CLSTN2: variants seen among roughly 807,000 people sequenced by gnomAD.
CLSTN2 encodes calsyntenin-2.
Under a neutral mutation model 101.2 loss-of-function variants are expected in CLSTN2, and 48 were observed. The ratio of observed to expected loss-of-function variants is 0.47; its 90% CI spans 0.38 to 0.60. The LOEUF (loss-of-function observed/expected upper bound fraction) is 0.60. CLSTN2 is among the 20% of genes least tolerant of loss of function. The pLI is 0.00. For missense variants in CLSTN2, 1,160 were observed against 1,238.2 expected (o/e 0.94, Z 0.95); for synonymous variants, 481 against 463.6 (o/e 1.04, Z -0.48).
chr3:140,013,560 CA>C lies in CLSTN2; in HGVS notation c.109+78079del, dbSNP rs201813577. ...AAATATCTCTTTTCTGAGGCTTTTT[CA>C]ATCCAAATATATAAACTGCATATAT... On this transcript the variant is annotated intron_variant, in intron 1 of 16. Coordinates refer to ENST00000458420, the MANE Select transcript of CLSTN2 (RefSeq NM_022131.3). Among the ~76,000 whole-genome samples the C allele has an allele frequency of 6.1e-3, 934 of 152,248 alleles. 6 individuals are homozygous for C. The highest frequency in any genetic ancestry group is 8.6e-3 in the Non-Finnish European group (586 of 68,018).
rs1422280349 is a variant in CLSTN2, at chr3:140,576,679, C to T, written c.*10426C>T. Reference sequence around the variant, plus strand: ...GAGCAGCCTCGTCTTGCAGAATCACCTTCAATCACTGCTACTGTCTGGGCC... The same window carrying T: ...GAGCAGCCTCGTCTTGCAGAATCACTTTCAATCACTGCTACTGTCTGGGCC... On this transcript the variant is annotated 3_prime_UTR_variant, in exon 17 of 17. Coordinates refer to ENST00000458420, the MANE Select transcript of CLSTN2 (RefSeq NM_022131.3). 1 of 152,226 alleles carries T rather than the reference C, an allele frequency of 6.6e-6. No individual in the cohort carries two copies. The allele number at this position is 152,226 out of a possible 1,614,324, so 9.4% of individuals were successfully genotyped here. A position where few individuals can be genotyped will look rare whatever the true frequency, so the allele number is the denominator to read the frequency against.
chr3:140,151,194 T>A (rs1471094772), intron 1 of CLSTN2, among the ~76,000 whole-genome samples: 1 of 152,078 alleles, frequency 6.6e-6, no homozygotes. Flanking sequence ...ATAAACAGCT[T>A]CAGGAAGGTT....
At chr3:140,109,161 G>T (rs987536652) in intron 1 of CLSTN2, among the ~76,000 whole-genome samples, 1 of 152,138 alleles carries the variant, frequency 6.6e-6, no homozygotes, top group Admixed American at 6.5e-5. Context: ...ACATGGAAAC[G>T]TCTTATTTTT....
chr3:140,299,427 T>G (rs957270989), intron 2 of CLSTN2, among the ~76,000 whole-genome samples: 2 of 152,234 alleles, frequency 1.3e-5, no homozygotes. Context: ...AATCATAACA[T>G]GCATATACTG....
chr3:140,456,608 G>T (rs1576577881), intron 6 of CLSTN2, among the ~76,000 whole-genome samples: 1 of 152,028 alleles, frequency 6.6e-6, no homozygotes, highest in Admixed American at 6.5e-5. Flanking sequence ...CCAACATGGT[G>T]AAACCCCATC....
intron 4 of CLSTN2, among the ~76,000 whole-genome samples, chr3:140,413,979 T>A (rs566323414): frequency 2.0e-5 from 3 of 152,090 alleles, no homozygotes; most frequent in Non-Finnish European, 4.4e-5. Context: ...TTTTCTCTAA[T>A]GTAAGGAATT....
chr3:140,469,618 C>T (rs1404840839), intron 8 of CLSTN2, among the ~76,000 whole-genome samples: 1 of 152,222 alleles, frequency 6.6e-6, no homozygotes, highest in African/African-American at 2.4e-5. Context: ...CCCATTCCTA[C>T]TGTTCTGTAG....
chr3:140,325,999 G>A (rs1382917534), intron 2 of CLSTN2, among the ~76,000 whole-genome samples: 1 of 152,126 alleles, frequency 6.6e-6, no homozygotes, highest in Non-Finnish European at 1.5e-5. Context: ...ACAGCACTGG[G>A]GAACAAGAAT....
chr3:139,970,483 C>G (rs1489809746), intron 1 of CLSTN2, among the ~76,000 whole-genome samples: 1 of 152,222 alleles, frequency 6.6e-6, no homozygotes, highest in Non-Finnish European at 1.5e-5. Flanking sequence ...GATATGTGAT[C>G]TGTCTATGAC....
intron 2 of CLSTN2, among the ~76,000 whole-genome samples, chr3:140,284,249 T>A (rs191505318): frequency 2.1e-3 from 324 of 152,224 alleles, no homozygotes; most frequent in East Asian, 3.5e-3. Context: ...ATTATTTTTT[T>A]TAAAAAATAC....
rs545065119 is a variant in CLSTN2 at position 140,123,831 on chromosome 3, T to C, written c.110-52120T>C. ...ATATATATATATATACACATATATA[T>C]GTATGTATATGTGTGTGTGTATATA... On this transcript the variant is annotated intron_variant, in intron 1 of 16. Coordinates refer to ENST00000458420, the MANE Select transcript of CLSTN2 (RefSeq NM_022131.3). Among the ~76,000 whole-genome samples the C allele has an allele frequency of 1.1e-3, 115 of 101,118 alleles. 1 individual carries two copies. The highest frequency in any genetic ancestry group is 4.5e-3 in the African/African-American group (114 of 25,540). 66.3% of individuals were successfully genotyped at this position (101,118 alleles called of 152,430 possible).
At chr3:140,159,758 A>T (rs2010015313) in intron 1 of CLSTN2, among the ~76,000 whole-genome samples, 1 of 152,210 alleles carries the variant, frequency 6.6e-6, no homozygotes, top group African/African-American at 2.4e-5. Flanking sequence ...ACATGGAATC[A>T]ACCCAGTTGC....
At chr3:140,454,031 TC>T (rs1933321319) in intron 6 of CLSTN2, among the ~76,000 whole-genome samples, 1 of 152,166 alleles carries the variant, frequency 6.6e-6, no homozygotes, top group South Asian at 2.1e-4. Context: ...AGCCAGTGCC[TC>T]CATTCGCAGA....
chr3:139,962,848 A>G (rs1461458095), intron 1 of CLSTN2, among the ~76,000 whole-genome samples: 1 of 152,198 alleles, frequency 6.6e-6, no homozygotes, highest in African/African-American at 2.4e-5. Context: ...TAAAGCTGAT[A>G]TGAGCATTCA....
At chr3:140,156,058 G>T (rs2107816910) in intron 1 of CLSTN2, among the ~76,000 whole-genome samples, 1 of 151,916 alleles carries the variant, frequency 6.6e-6, no homozygotes, top group South Asian at 2.1e-4. Context: ...ACTTATTTTT[G>T]GTGTATAACG....
At chr3:140,546,228 C>G (rs1935581432) in intron 9 of CLSTN2, among the ~76,000 whole-genome samples, 1 of 152,252 alleles carries the variant, frequency 6.6e-6, no homozygotes, top group Non-Finnish European at 1.5e-5. Flanking sequence ...CCTATTTTCA[C>G]TCACGAGAGC....
chr3:140,502,727 G>C (rs1287316686), intron 8 of CLSTN2, among the ~76,000 whole-genome samples: 1 of 152,290 alleles, frequency 6.6e-6, no homozygotes, highest in Non-Finnish European at 1.5e-5. Context: ...AAGGAGATGA[G>C]ACAGCAGAGC....
At chr3:140,201,112 T>G (rs2010713124) in intron 2 of CLSTN2, among the ~76,000 whole-genome samples, 1 of 152,228 alleles carries the variant, frequency 6.6e-6, no homozygotes, top group Non-Finnish European at 1.5e-5. Flanking sequence ...ACAGAGGCCC[T>G]GCCTTCAAAA....
chr3:140,485,109 T>C (rs548297830), intron 8 of CLSTN2, among the ~76,000 whole-genome samples: 108 of 152,326 alleles, frequency 7.1e-4, no homozygotes, highest in African/African-American at 2.5e-3. Context: ...CTTTGGTCTT[T>C]GATGGTGGTG....
Sources: allele counts gnomAD v4.1 joint callset (sites outside exome capture counted in the v4.1 genomes callset), GRCh38; gene constraint gnomAD v4.1.1; transcripts MANE v1.5; gene names NCBI Gene and HGNC (gene_info 2026-07-23, HGNC 2026-07-21).